The following PARD3B variants were observed in gnomAD, a reference collection of about 807,000 sequenced individuals.
PARD3B encodes the protein par-3 family cell polarity regulator beta.
In PARD3B, 103 loss-of-function variants were observed where a neutral mutation model predicts 130.2. That is an observed-to-expected ratio of 0.79 (90% confidence interval 0.67 to 0.93). The LOEUF is 0.93. Among genes scored for constraint, PARD3B ranks in the 40% least tolerant of loss-of-function variants. PARD3B has a pLI of 0.00. For synonymous variants in PARD3B, 583 were observed against 553.2 expected (o/e 1.05, Z -0.76); for missense variants, 1,609 against 1,499.2 (o/e 1.07, Z -1.21).
At chr2:204,707,590 A>G (rs990141434) in intron 2 of PARD3B, among the ~76,000 whole-genome samples, 9 of 152,204 alleles carry the variant, frequency 5.9e-5, no homozygotes, top group African/African-American at 1.9e-4. Flanking sequence ...ATGATCTTTC[A>G]TGACTAAATA....
chr2:204,636,220 G>C (rs1402041444), intron 1 of PARD3B, among the ~76,000 whole-genome samples: 1 of 152,120 alleles, frequency 6.6e-6, no homozygotes, highest in African/African-American at 2.4e-5. Flanking sequence ...TGTTTCCAGT[G>C]TCATGGTGTA....
intron 22 of PARD3B, among the ~76,000 whole-genome samples, chr2:205,604,162 T>C (rs2054895648): frequency 6.6e-6 from 1 of 152,236 alleles, no homozygotes; most frequent in South Asian, 2.1e-4. Context: ...TTTTAGAATA[T>C]TGAATATTGG....
At chr2:204,916,055 T>C (rs906628945) in intron 2 of PARD3B, among the ~76,000 whole-genome samples, 1 of 152,180 alleles carries the variant, frequency 6.6e-6, no homozygotes, top group African/African-American at 2.4e-5. Context: ...GTGGGATGTT[T>C]TGAAATACAG....
At chr2:204,550,412 C>CTGTGTGTGTGTGTG (rs3051346) in intron 1 of PARD3B, among the ~76,000 whole-genome samples, 32 of 144,392 alleles carry the variant, frequency 2.2e-4, no homozygotes, top group Non-Finnish European at 3.2e-4. Context: ...GGAGGGCTGA[C>CTGTGTGTGTGTGTG]TGTGTGTGTG....
intron 2 of PARD3B, among the ~76,000 whole-genome samples, chr2:204,911,356 G>A (rs1233573047): frequency 1.3e-5 from 2 of 152,102 alleles, no homozygotes; most frequent in East Asian, 1.9e-4. Flanking sequence ...CATCATCAAC[G>A]TACTTGGCCT....
chr2:204,852,468 G>A (rs2044747485), intron 2 of PARD3B, among the ~76,000 whole-genome samples: 1 of 152,050 alleles, frequency 6.6e-6, no homozygotes. Flanking sequence ...TAAAAAGAGA[G>A]CTGTCCTATT....
intron 15 of PARD3B, among the ~76,000 whole-genome samples, chr2:205,194,159 C>G (rs957044547): frequency 1.3e-5 from 2 of 152,224 alleles, no homozygotes; most frequent in African/African-American, 4.8e-5. Flanking sequence ...TGTTTTTTCT[C>G]AAGGCATATT....
Position 204,675,151 on chromosome 2 carries a change from G to A in PARD3B, c.121-11030G>A, listed in dbSNP as rs1052026529. On this transcript the variant is annotated intron_variant, in intron 1 of 22. Coordinates refer to ENST00000406610, the MANE Select transcript of PARD3B (RefSeq NM_001302769.2). This position sits in a 1 kb window ranked among gnomAD's most constrained non-coding sequence, Gnocchi z 4.4. ...CATTGGAAACAAATAATGGAAAACAGGATTTTTAAAAAATCAGCTGTTTTC... is the reference window on the plus strand; with the variant it reads ...CATTGGAAACAAATAATGGAAAACAAGATTTTTAAAAAATCAGCTGTTTTC... Among the ~76,000 whole-genome samples the A allele has an allele frequency of 2.6e-5, 4 of 151,944 alleles. No homozygotes were observed. The highest frequency in any genetic ancestry group is 2.9e-5 in the Non-Finnish European group (2 of 67,990).
chr2:205,017,100 G>C lies in PARD3B; in HGVS notation c.395-30481G>C, dbSNP rs563438773. Among the ~76,000 whole-genome samples the C allele has an allele frequency of 4.6e-5, 7 of 152,170 alleles. No homozygotes were observed. In the East Asian group the frequency reaches 5.8e-4, roughly 13 times the overall value. ...AGTCTACTATGCATTATGGTTTGAC[G>C]AAAAACATAAAGGGAATGAGACAGT... is the stretch of plus-strand genomic sequence containing the variant. On this transcript the variant is annotated intron_variant, in intron 3 of 22. Coordinates refer to ENST00000406610, the MANE Select transcript of PARD3B (RefSeq NM_001302769.2).
At chr2:204,697,580 T>G (rs2037675105) in intron 2 of PARD3B, among the ~76,000 whole-genome samples, 1 of 152,130 alleles carries the variant, frequency 6.6e-6, no homozygotes, top group Non-Finnish European at 1.5e-5. Flanking sequence ...CTTTTAGTTT[T>G]GCAGTTTGAT....
In PARD3B at chr2:205,067,043, T is replaced by C. The variant is rs1447163203; in HGVS notation, c.504+19353T>C. On this transcript the variant is annotated intron_variant, in intron 4 of 22. Coordinates refer to ENST00000406610, the MANE Select transcript of PARD3B (RefSeq NM_001302769.2). ...ATTATCTCAGTAGAAACTAACACTCTATTTTTTGGTCACCAAATATTTCTT... is the reference window on the plus strand; with the variant it reads ...ATTATCTCAGTAGAAACTAACACTCCATTTTTTGGTCACCAAATATTTCTT... 1.1e-4 allele frequency among the ~76,000 whole-genome samples: 16 copies of C among 150,374 alleles called. 1 individual carries two copies. The South Asian group carries it at 2.5e-3, about 24-fold the overall frequency.
chr2:204,688,075 G>C (rs17595210), intron 2 of PARD3B, among the ~76,000 whole-genome samples: 1 of 151,974 alleles, frequency 6.6e-6, no homozygotes, highest in Non-Finnish European at 1.5e-5. Context: ...GTTTTAATGG[G>C]ACTCTACCAC....
chr2:204,683,089 T>C (rs1386192986), intron 1 of PARD3B, among the ~76,000 whole-genome samples: 1 of 152,212 alleles, frequency 6.6e-6, no homozygotes. Context: ...TTTAAAATTT[T>C]AGTAGCATTT....
intron 11 of PARD3B, among the ~76,000 whole-genome samples, chr2:205,168,617 T>G (rs2034966543): frequency 1.3e-5 from 2 of 151,872 alleles, no homozygotes; most frequent in African/African-American, 4.8e-5. Context: ...AGACTGGACA[T>G]AGACGTGCAT....
chr2:205,507,483 G>A (rs1193559722), intron 21 of PARD3B, among the ~76,000 whole-genome samples: 1 of 151,658 alleles, frequency 6.6e-6, no homozygotes, highest in African/African-American at 2.4e-5. Flanking sequence ...CAAAGTGCTG[G>A]GATTACAGGC....
intron 4 of PARD3B, among the ~76,000 whole-genome samples, chr2:205,076,698 G>T (rs1430659721): frequency 6.6e-6 from 1 of 151,992 alleles, no homozygotes; most frequent in African/African-American, 2.4e-5. Context: ...GTGGATCTAG[G>T]TTGTACGCTC....
rs1005929341 is a variant in PARD3B at position 205,116,830 on chromosome 2, T to C, written c.681-2091T>C. 6.6e-6 allele frequency among the ~76,000 whole-genome samples: 1 copy of C among 152,200 alleles called. No homozygotes were observed. The highest frequency in any genetic ancestry group is 6.5e-5 in the Admixed American group (1 of 15,280). On this transcript the variant is annotated intron_variant, in intron 6 of 22. Coordinates refer to ENST00000406610, the MANE Select transcript of PARD3B (RefSeq NM_001302769.2). The surrounding 1 kb of genome is among the most constrained non-coding windows in gnomAD (Gnocchi z 4.5). ...TACCTCTGACACATGGGTTTTACAG[T>C]TGGGCTTATTCTGTCAATAAATTTT...
At chr2:205,224,491 T>C (rs1435412351) in intron 15 of PARD3B, among the ~76,000 whole-genome samples, 2 of 151,684 alleles carry the variant, frequency 1.3e-5, no homozygotes, top group Non-Finnish European at 2.9e-5. Flanking sequence ...ATTCTGACTA[T>C]ATTTTTGTGC....
chr2:205,379,514 G>A (rs1016715283), intron 18 of PARD3B, among the ~76,000 whole-genome samples: 2 of 151,730 alleles, frequency 1.3e-5, no homozygotes, highest in Admixed American at 6.6e-5. Context: ...CTCTGATTTT[G>A]ACCAGTATAT....
Sources: gnomAD v4.1 joint callset for allele counts (sites outside exome capture counted in the v4.1 genomes callset) on GRCh38, gnomAD v4.1.1 for gene constraint, Gnocchi (gnomAD v3.1) non-coding constraint, MANE v1.5 for transcripts, NCBI Gene and HGNC (gene_info 2026-07-23, HGNC 2026-07-21) for gene names.